Variants in ATP2B2 observed in about 807,000 individuals in gnomAD.
The protein encoded by ATP2B2 is ATPase plasma membrane Ca2+ transporting 2, also known as plasma membrane calcium-transporting ATPase 2.
In ATP2B2, 15 loss-of-function variants were observed where a neutral mutation model predicts 120.0. That is an observed-to-expected ratio of 0.12 (90% CI 0.08 to 0.19). The LOEUF (loss-of-function observed/expected upper bound fraction) is 0.19. Ranked by LOEUF, ATP2B2 falls within the 10% of genes least tolerant of loss-of-function variation. The pLI is 1.00. For synonymous variants in ATP2B2, 694 were observed against 700.3 expected (o/e 0.99, Z 0.14); for missense variants, 1,045 against 1,719.8 (o/e 0.61, Z 6.94).
At chr3:10,609,969 G>T (rs1479936633) in intron 2 of ATP2B2, among the ~76,000 whole-genome samples, 1 of 152,012 alleles carries the variant, frequency 6.6e-6, no homozygotes, top group Non-Finnish European at 1.5e-5. Flanking sequence ...GCTCATCGCA[G>T]CCCTGGAAAA....
chr3:10,589,846 G>A (rs1007202205), intron 2 of ATP2B2, among the ~76,000 whole-genome samples: 5 of 152,180 alleles, frequency 3.3e-5, no homozygotes, highest in African/African-American at 1.2e-4. Context: ...AAGTAAAATC[G>A]CAATGCCTAC....
intron 2 of ATP2B2, among the ~76,000 whole-genome samples, chr3:10,550,235 T>C (rs1013044254): frequency 6.6e-6 from 1 of 152,174 alleles, no homozygotes; most frequent in African/African-American, 2.4e-5. Flanking sequence ...TGATAAGACA[T>C]ATTAATTTTT....
intron 12 of ATP2B2, among the ~76,000 whole-genome samples, chr3:10,370,428 G>A (rs891718121): frequency 2.6e-5 from 4 of 152,222 alleles, no homozygotes; most frequent in Admixed American, 2.0e-4. Context: ...TTCCCAAATT[G>A]GGTGGGGTGG....
intron 2 of ATP2B2, among the ~76,000 whole-genome samples, chr3:10,437,604 C>T (rs561751742): frequency 3.3e-5 from 5 of 152,316 alleles, no homozygotes; most frequent in Non-Finnish European, 5.9e-5. Flanking sequence ...CATTACAGTC[C>T]GCTTGCTGTC....
At chr3:10,368,991 C>T (rs920167524) in intron 12 of ATP2B2, among the ~76,000 whole-genome samples, 3 of 152,216 alleles carry the variant, frequency 2.0e-5, no homozygotes, top group Non-Finnish European at 4.4e-5. Flanking sequence ...CTTAAAAAGC[C>T]CACAGCCTGG....
chr3:10,471,364 C>CTG (rs58583936), intron 1 of ATP2B2, among the ~76,000 whole-genome samples: 152 of 150,466 alleles, frequency 1.0e-3, no homozygotes, highest in Non-Finnish European at 1.3e-3. Context: ...TTCAGGAAAC[C>CTG]TGTGTGTGTG....
chr3:10,592,493 C>G (rs1463977688), intron 2 of ATP2B2, among the ~76,000 whole-genome samples: 2 of 152,206 alleles, frequency 1.3e-5, no homozygotes, highest in Non-Finnish European at 2.9e-5. Context: ...TCCAGGCATG[C>G]AAAGGCCCAG....
intron 15 of ATP2B2, 59 bp from the exon 16 acceptor site, chr3:10,350,258 G>A (rs2060541574): frequency 1.3e-6 from 2 of 1,577,648 alleles, no homozygotes; most frequent in Non-Finnish European, 1.7e-6. Flanking sequence ...ACTGAGGCCT[G>A]GAGAAGGGAG....
chr3:10,430,288 G>A (rs2063275879), intron 2 of ATP2B2, among the ~76,000 whole-genome samples: 1 of 152,226 alleles, frequency 6.6e-6, no homozygotes, highest in African/African-American at 2.4e-5. Context: ...GCCATCCATA[G>A]TGATTCCTCT....
At chr3:10,536,265 A>G (rs1041308600) in intron 2 of ATP2B2, among the ~76,000 whole-genome samples, 1 of 149,234 alleles carries the variant, frequency 6.7e-6, no homozygotes, top group Non-Finnish European at 1.5e-5. Flanking sequence ...CCAGTACCTC[A>G]TCGGTTTTGT....
chr3:10,437,586 G>A (rs1183572784), intron 2 of ATP2B2, among the ~76,000 whole-genome samples: 1 of 152,212 alleles, frequency 6.6e-6, no homozygotes, highest in South Asian at 2.1e-4. Context: ...AGCAGTGAGC[G>A]TGTCCCTCAT....
chr3:10,485,395 AC>A (rs2065603193), intron 1 of ATP2B2, among the ~76,000 whole-genome samples: 1 of 152,186 alleles, frequency 6.6e-6, no homozygotes, highest in South Asian at 2.1e-4. Context: ...ACAGGAAGGA[AC>A]AAAGGGTGAG....
chr3:10,397,743 G>A (rs2062086363), intron 5 of ATP2B2, among the ~76,000 whole-genome samples: 1 of 152,128 alleles, frequency 6.6e-6, no homozygotes, highest in African/African-American at 2.4e-5. Context: ...GCTGGGAGGG[G>A]CGCTGAATGC....
intron 2 of ATP2B2, among the ~76,000 whole-genome samples, chr3:10,610,312 C>A (rs950310840): frequency 1.3e-5 from 2 of 151,838 alleles, no homozygotes; most frequent in African/African-American, 4.8e-5. Context: ...GAAGAAAGTG[C>A]AGCTCACTCA....
At chr3:10,511,415 C>T (rs2066759016) in intron 3 of ATP2B2, among the ~76,000 whole-genome samples, 1 of 152,194 alleles carries the variant, frequency 6.6e-6, no homozygotes, top group Admixed American at 6.5e-5. Context: ...AAAAGATCCT[C>T]AATAAATATT....
chr3:10,332,273 G>A (rs1382434440), intron 22 of ATP2B2: 4 of 538,438 alleles, frequency 7.4e-6, no homozygotes, highest in East Asian at 5.8e-5. Context: ...AGCAGGAGGT[G>A]CCTTATCTGT....
chr3:10,575,959 A>G (rs1283884858), intron 2 of ATP2B2, among the ~76,000 whole-genome samples: 1 of 152,242 alleles, frequency 6.6e-6, no homozygotes, highest in Admixed American at 6.5e-5. Flanking sequence ...ATTGTCCCTC[A>G]TGTCCAGGGA....
chr3:10,668,353 C>G (rs1428660123), intron 1 of ATP2B2, among the ~76,000 whole-genome samples: 1 of 152,210 alleles, frequency 6.6e-6, no homozygotes, highest in African/African-American at 2.4e-5. Context: ...ATCTAACTCC[C>G]GAATCATGCC....
At chr3:10,625,359 G>A (rs1314790575) in intron 1 of ATP2B2, among the ~76,000 whole-genome samples, 1 of 152,188 alleles carries the variant, frequency 6.6e-6, no homozygotes, top group Non-Finnish European at 1.5e-5. Flanking sequence ...AAGGTGAGGG[G>A]TGGTGGAGCC....
Sources: allele counts gnomAD v4.1 joint callset (sites outside exome capture counted in the v4.1 genomes callset), GRCh38; gene constraint gnomAD v4.1.1; transcripts MANE v1.5; gene names NCBI Gene and HGNC (gene_info 2026-07-23, HGNC 2026-07-21).